BAALC: variants seen among roughly 807,000 people sequenced by gnomAD.
BAALC encodes brain and acute leukemia cytoplasmic protein.
A neutral mutation model predicts 15.5 loss-of-function variants in BAALC; 9 were observed. The ratio of observed to expected loss-of-function variants is 0.58; its 90% CI spans 0.35 to 1.02. BAALC has a LOEUF of 1.02. BAALC is among the 50% of genes least tolerant of loss of function. The pLI, the probability that BAALC is intolerant of heterozygous loss-of-function variation, is 0.02. For missense variants in BAALC, 201 were observed against 192.4 expected (o/e 1.04, Z -0.27); for synonymous variants, 80 against 74.6 (o/e 1.07, Z -0.37).
chr8:103,230,147 T>A lies in BAALC; in HGVS notation c.*2048T>A, dbSNP rs900207516. 1 of 152,178 alleles carries A rather than the reference T, an allele frequency of 6.6e-6. No homozygotes were observed. The highest frequency in any genetic ancestry group is 2.4e-5 in the African/African-American group (1 of 41,456). 9.4% of individuals were successfully genotyped at this position (152,178 alleles called of 1,614,324 possible). On this transcript the variant is annotated 3_prime_UTR_variant, in exon 3 of 3. Coordinates refer to ENST00000309982, the MANE Select transcript of BAALC (RefSeq NM_024812.3). ...TGGCCCTCCCCAGAACAATCTGGAT[T>A]TCACGGAGACAGCAACCAGAAGTTA... is the stretch of plus-strand genomic sequence containing the variant.
chr8:103,160,406 T>C (rs1364792924), intron 1 of BAALC, among the ~76,000 whole-genome samples: 5 of 152,318 alleles, frequency 3.3e-5, no homozygotes, highest in African/African-American at 7.2e-5. Context: ...TTTCCTGTTA[T>C]AGCTGAAGTG....
chr8:103,186,452 C>T (rs1052237868), intron 1 of BAALC, among the ~76,000 whole-genome samples: 1 of 152,164 alleles, frequency 6.6e-6, no homozygotes, highest in African/African-American at 2.4e-5. Flanking sequence ...AGCCCCTCAG[C>T]GTTAGACATA....
At chr8:103,205,711 A>G (rs28550135) in intron 1 of BAALC, among the ~76,000 whole-genome samples, 12,755 of 152,274 alleles carry the variant, frequency 0.084, 580 homozygotes, top group African/African-American at 0.11. Flanking sequence ...AGAGATCTGC[A>G]TTTTAACAGA....
intron 1 of BAALC, among the ~76,000 whole-genome samples, chr8:103,152,564 T>G (rs1226244990): frequency 1.3e-5 from 2 of 152,254 alleles, no homozygotes; most frequent in Non-Finnish European, 2.9e-5. Flanking sequence ...GTCAAGGATC[T>G]GATGGACTCA....
chr8:103,213,180 A>G, intron 2 of BAALC, 95 bp downstream of exon 2: 1 of 1,334,400 alleles, frequency 7.5e-7, no homozygotes, highest in South Asian at 1.7e-5. Context: ...CCAGGGAGGG[A>G]CCAGGGATGG....
At position 103,228,116 on chromosome 8, in the gene BAALC, A is replaced by C. The variant is rs1244605299; in HGVS notation, c.*17A>C. ...GTCAACTAGCAGAGAGTCCAAGCAG[A>C]AGGGCAGATGGACTTCTTCAGTGTC... On this transcript the variant is annotated 3_prime_UTR_variant, in exon 3 of 3. Transcript: ENST00000309982. 6.5e-7 allele frequency: 1 copy of C among 1,527,404 alleles called. No homozygotes were observed. Among genetic ancestry groups the C allele is most frequent in the African/African-American group, 1.4e-5 (1 of 72,910 alleles). The allele number at this position is 1,527,404 out of a possible 1,614,324, so 94.6% of individuals were successfully genotyped here.
chr8:103,152,623 G>A (rs552171140), intron 1 of BAALC, among the ~76,000 whole-genome samples: 43 of 152,326 alleles, frequency 2.8e-4, no homozygotes, highest in Non-Finnish European at 4.4e-4. Context: ...CACAGAGTAG[G>A]CACTCGGTGG....
chr8:103,196,146 T>C (rs1377399285), intron 1 of BAALC, among the ~76,000 whole-genome samples: 1 of 152,128 alleles, frequency 6.6e-6, no homozygotes, highest in African/African-American at 2.4e-5. Flanking sequence ...CATAAGCCCA[T>C]CAGGCCAGAA....
chr8:103,215,412 T>C (rs111319087), intron 2 of BAALC, among the ~76,000 whole-genome samples: 32 of 152,294 alleles, frequency 2.1e-4, no homozygotes, highest in African/African-American at 7.5e-4. Context: ...TAAAAATGAA[T>C]AGTGTATTAG....
chr8:103,222,725 T>C (rs1341692302), intron 2 of BAALC, among the ~76,000 whole-genome samples: 1 of 152,240 alleles, frequency 6.6e-6, no homozygotes, highest in East Asian at 1.9e-4. Flanking sequence ...TGAAAGTGGA[T>C]TTGTTTACGG....
intron 1 of BAALC, among the ~76,000 whole-genome samples, chr8:103,187,102 A>C (rs1811856273): frequency 6.6e-6 from 1 of 152,074 alleles, no homozygotes; most frequent in South Asian, 2.1e-4. Flanking sequence ...TTTCTGCTTT[A>C]GAAAGTGCCC....
intron 2 of BAALC, among the ~76,000 whole-genome samples, chr8:103,226,975 T>C (rs1812819189): frequency 6.6e-6 from 1 of 152,156 alleles, no homozygotes; most frequent in African/African-American, 2.4e-5. Context: ...CTCAAACACT[T>C]AACCACTCTA....
intron 2 of BAALC, among the ~76,000 whole-genome samples, chr8:103,225,528 A>AGCAGG (rs1178308005): frequency 6.6e-6 from 1 of 152,208 alleles, no homozygotes; most frequent in Non-Finnish European, 1.5e-5. Flanking sequence ...TAATGGAGGA[A>AGCAGG]GCAGGGCAGG....
intron 1 of BAALC, among the ~76,000 whole-genome samples, chr8:103,197,898 T>C (rs949600211): frequency 6.6e-6 from 1 of 152,190 alleles, no homozygotes; most frequent in African/African-American, 2.4e-5. Context: ...AACACGGGAT[T>C]ACATTTCAAG....
chr8:103,223,529 C>T (rs1195404016), intron 2 of BAALC, among the ~76,000 whole-genome samples: 1 of 152,176 alleles, frequency 6.6e-6, no homozygotes, highest in Non-Finnish European at 1.5e-5. Context: ...TGCTCCATGT[C>T]CAGATCTATC....
intron 1 of BAALC, among the ~76,000 whole-genome samples, chr8:103,161,975 T>C (rs1006929901): frequency 3.3e-5 from 5 of 152,120 alleles, no homozygotes; most frequent in Non-Finnish European, 7.4e-5. Context: ...GTTTTTGTTT[T>C]TTTGAAACAG....
At chr8:103,199,795 T>TC (rs55700501) in intron 1 of BAALC, among the ~76,000 whole-genome samples, 1 of 224 alleles carries the variant, frequency 4.5e-3, no homozygotes, top group African/African-American at 0.017. Flanking sequence ...TTTTTCCTGA[T>TC]TTTTCCTCCC....
intron 1 of BAALC, among the ~76,000 whole-genome samples, chr8:103,188,898 T>C (rs1811904814): frequency 6.6e-6 from 1 of 152,238 alleles, no homozygotes; most frequent in African/African-American, 2.4e-5. Context: ...TCTAAAACAA[T>C]GTCTCATTAT....
intron 1 of BAALC, among the ~76,000 whole-genome samples, chr8:103,145,941 T>C (rs570677841): frequency 1.3e-5 from 2 of 152,366 alleles, no homozygotes; most frequent in African/African-American, 4.8e-5. Flanking sequence ...TGACCTTGAT[T>C]CATTTTGATA....
Sources: gnomAD v4.1 joint callset for allele counts (sites outside exome capture counted in the v4.1 genomes callset) on GRCh38, gnomAD v4.1.1 for gene constraint, MANE v1.5 for transcripts, NCBI Gene and HGNC (gene_info 2026-07-23, HGNC 2026-07-21) for gene names.